SNX10: variants seen among roughly 807,000 people sequenced by gnomAD.
SNX10 encodes the protein sorting nexin-10.
In SNX10, 25 loss-of-function variants were observed where a neutral mutation model predicts 28.5. The observed-to-expected ratio is 0.88, with a 90% CI of 0.64 to 1.22. The LOEUF (loss-of-function observed/expected upper bound fraction) is 1.22, where lower values mean the gene tolerates loss of function less well. SNX10 is among the 50% of genes most tolerant of loss of function. The pLI is 0.00. For missense variants in SNX10, 223 were observed against 242.6 expected, an observed-to-expected ratio of 0.92 and a Z score of 0.54; for synonymous variants, 62 against 81.4, an observed-to-expected ratio of 0.76 and a Z score of 1.28.
chr7:26,356,437 T>G (rs974618659), intron 2 of SNX10, among the ~76,000 whole-genome samples: 2 of 152,282 alleles, frequency 1.3e-5, no homozygotes, highest in South Asian at 4.1e-4. Context: ...TGACAGCCTG[T>G]CAACATTCCT....
chr7:26,361,202 A>T, intron 3 of SNX10, 141 bp downstream of exon 3: 1 of 816,820 alleles, frequency 1.2e-6, no homozygotes. Context: ...TTTATCTTAC[A>T]TGAACTAGTA....
intron 1 of SNX10, among the ~76,000 whole-genome samples, chr7:26,299,538 C>T (rs1786251926): frequency 6.6e-6 from 1 of 151,336 alleles, no homozygotes. Context: ...TCAAGCAGTT[C>T]TTCTGCCTTA....
Position 26,365,156 on chromosome 7 carries a change from A to G in SNX10, c.311+11A>G, listed in dbSNP as rs752532018. ...AGATTTCCTCAGAAAGTGAGTGTCC[A>G]GAAACTTTTGTGGCCAGACAAGGGG... On this transcript the variant is annotated intron_variant, in intron 5 of 6. Coordinates refer to ENST00000338523, the MANE Select transcript of SNX10 (RefSeq NM_013322.3). The G allele has an allele frequency of 2.6e-6, 4 of 1,562,136 alleles. No homozygotes were observed. The highest frequency in any genetic ancestry group is 1.7e-5 in the Admixed American group (1 of 59,880).
At chr7:26,346,369 A>C in intron 1 of SNX10, 51 bp from the exon 2 acceptor site, 1 of 1,138,668 alleles carries the variant, frequency 8.8e-7, no homozygotes, top group Non-Finnish European at 1.3e-6. Flanking sequence ...TGGTGTATCC[A>C]CTCCAGTTTG....
At chr7:26,333,449 G>C (rs1282886651) in intron 1 of SNX10, among the ~76,000 whole-genome samples, 1 of 149,558 alleles carries the variant, frequency 6.7e-6, no homozygotes, top group African/African-American at 2.5e-5. Flanking sequence ...CTCAGCCTCT[G>C]AGTAGCTGGG....
intron 6 of SNX10, 153 bp from the exon 7 acceptor site, chr7:26,372,338 A>C (rs1465969627): frequency 1.5e-6 from 1 of 657,368 alleles, no homozygotes; most frequent in Non-Finnish European, 2.7e-6. Context: ...AAAAATACCC[A>C]ACTGCACTCC....
intron 2 of SNX10, among the ~76,000 whole-genome samples, chr7:26,347,006 C>T (rs953457542): frequency 6.6e-6 from 1 of 152,204 alleles, no homozygotes; most frequent in African/African-American, 2.4e-5. Flanking sequence ...GGCTGAGTGT[C>T]CCTCCTTTGG....
At chr7:26,317,823 C>T (rs181988761) in intron 1 of SNX10, among the ~76,000 whole-genome samples, 5 of 152,160 alleles carry the variant, frequency 3.3e-5, no homozygotes, top group Admixed American at 3.3e-4. Context: ...CTACCACGCC[C>T]AGCTAATTTT....
chr7:26,346,744 AT>A (rs1788403695), intron 2 of SNX10, among the ~76,000 whole-genome samples: 1 of 152,222 alleles, frequency 6.6e-6, no homozygotes, highest in Non-Finnish European at 1.5e-5. Flanking sequence ...TTGGAGCAGT[AT>A]CCATCCAGTC....
chr7:26,298,927 C>A (rs557998717), intron 1 of SNX10, among the ~76,000 whole-genome samples: 1 of 152,194 alleles, frequency 6.6e-6, no homozygotes, highest in Admixed American at 6.5e-5. Context: ...ACCCTTTTAA[C>A]CTCATCTAAA....
At chr7:26,340,633 T>C (rs1219774632) in intron 1 of SNX10, among the ~76,000 whole-genome samples, 3 of 152,140 alleles carry the variant, frequency 2.0e-5, no homozygotes, top group Non-Finnish European at 4.4e-5. Context: ...CTCAGATGAG[T>C]CTTCAGGACT....
chr7:26,303,377 G>A (rs1002523164), intron 1 of SNX10, among the ~76,000 whole-genome samples: 4 of 152,160 alleles, frequency 2.6e-5, no homozygotes, highest in African/African-American at 4.8e-5. Flanking sequence ...ACTCCCCGTC[G>A]CTGTTTCTCT....
intron 2 of SNX10, chr7:26,357,022 T>C: frequency 8.6e-7 from 1 of 1,164,526 alleles, no homozygotes; most frequent in South Asian, 1.6e-5. Flanking sequence ...TATTTATTCA[T>C]TAAATGATAC....
chr7:26,355,002 T>C (rs751800050), intron 2 of SNX10, among the ~76,000 whole-genome samples: 3 of 152,242 alleles, frequency 2.0e-5, no homozygotes, highest in Non-Finnish European at 2.9e-5. Context: ...TGGTTGGTGT[T>C]GATTTTTGTA....
intron 1 of SNX10, among the ~76,000 whole-genome samples, chr7:26,341,420 G>C (rs747296900): frequency 1.3e-5 from 2 of 152,142 alleles, no homozygotes; most frequent in African/African-American, 4.8e-5. Flanking sequence ...TCTAGAGACA[G>C]CCTAGCAGAG....
At chr7:26,319,506 G>C (rs73066432) in intron 1 of SNX10, among the ~76,000 whole-genome samples, 495 of 152,284 alleles carry the variant, frequency 3.3e-3, no homozygotes, top group Non-Finnish European at 5.0e-3. Context: ...GATGGGCAGA[G>C]TTGGAAAGAC....
At chr7:26,323,040 G>A (rs1354267547) in intron 1 of SNX10, among the ~76,000 whole-genome samples, 2 of 152,114 alleles carry the variant, frequency 1.3e-5, no homozygotes, top group African/African-American at 2.4e-5. Flanking sequence ...TTGGGCCCAG[G>A]AGTTCAAGAC....
chr7:26,330,828 C>T (rs751645293), intron 1 of SNX10, among the ~76,000 whole-genome samples: 11 of 151,878 alleles, frequency 7.2e-5, no homozygotes, highest in Non-Finnish European at 1.5e-4. Context: ...GAGACCAGGC[C>T]GGGCAACATA....
chr7:26,325,141 T>A (rs1468522416), intron 1 of SNX10, among the ~76,000 whole-genome samples: 2 of 151,392 alleles, frequency 1.3e-5, no homozygotes, highest in East Asian at 3.9e-4. Flanking sequence ...GATGACCTTT[T>A]TCTGTGACTA....
Sources: allele counts gnomAD v4.1 joint callset (sites outside exome capture counted in the v4.1 genomes callset), GRCh38; gene constraint gnomAD v4.1.1; transcripts MANE v1.5; gene names NCBI Gene and HGNC (gene_info 2026-07-23, HGNC 2026-07-21).